The following PDE10A variants were observed in gnomAD, a reference collection of about 807,000 sequenced individuals.
The protein encoded by PDE10A is phosphodiesterase 10A, also known as cAMP and cAMP-inhibited cGMP 3',5'-cyclic phosphodiesterase 10A.
A neutral mutation model predicts 97.7 loss-of-function variants in PDE10A; 39 were observed. The observed-to-expected ratio is 0.40, with a 90% confidence interval of 0.31 to 0.52. The LOEUF is 0.52. Ranked by LOEUF, PDE10A falls within the 20% of genes least tolerant of loss-of-function variation. PDE10A has a pLI of 0.56. For missense variants in PDE10A, 731 were observed against 1,047.8 expected (o/e 0.70, Z 4.17); for synonymous variants, 371 against 376.8 (o/e 0.98, Z 0.18).
In PDE10A at chr6:165,704,288, G is replaced by A. The variant is rs911678727; in HGVS notation, c.-614-160720C>T. Among the ~76,000 whole-genome samples the A allele has an allele frequency of 2.6e-5, 4 of 152,092 alleles. No homozygotes were observed. The South Asian group carries it at 6.2e-4, about 24-fold the overall frequency. On this transcript the variant is annotated intron_variant, in intron 1 of 19. Coordinates refer to the PDE10A transcript ENST00000366882. ...CTCCTTCAAAGAGAGAGGAGCCTGGGGATCAGGAAGGAAACAAAGGAGGAG... is the reference window on the plus strand; with the variant it reads ...CTCCTTCAAAGAGAGAGGAGCCTGGAGATCAGGAAGGAAACAAAGGAGGAG...
In PDE10A at chr6:165,334,352, C is replaced by T. The variant is rs551901938; in HGVS notation, c.3066-1225G>A. Reference sequence around the variant, plus strand: ...GCGCCTCCATAGCGCCCTACAGCGCCGGGCACGCGCCTCCATAGCGCCCTA... The same window carrying T: ...GCGCCTCCATAGCGCCCTACAGCGCTGGGCACGCGCCTCCATAGCGCCCTA... On this transcript the variant is annotated intron_variant, in intron 21 of 21. Transcript: ENST00000539869. Among the ~76,000 whole-genome samples, 657 of 148,694 alleles carry T rather than the reference C, an allele frequency of 4.4e-3. 3 individuals are homozygous for T. The highest frequency in any genetic ancestry group is 0.011 in the Middle Eastern group (3 of 274).
At chr6:165,742,789 A>AC (rs1792758503) in intron 1 of PDE10A, among the ~76,000 whole-genome samples, 1 of 151,096 alleles carries the variant, frequency 6.6e-6, no homozygotes, top group African/African-American at 2.4e-5. Context: ...GTGCTCTTCC[A>AC]CCCCCTACGT....
intron 1 of PDE10A, among the ~76,000 whole-genome samples, chr6:165,688,290 T>G (rs1791178411): frequency 6.6e-6 from 1 of 152,180 alleles, no homozygotes; most frequent in South Asian, 2.1e-4. Context: ...AAGAGATGAT[T>G]GGTTTACATG....
chr6:165,968,694 A>T (rs1313972947), intron 1 of PDE10A, among the ~76,000 whole-genome samples: 2 of 152,244 alleles, frequency 1.3e-5, no homozygotes, highest in Non-Finnish European at 2.9e-5. Context: ...TGTTTTGAAG[A>T]TGATTAACAG....
intron 1 of PDE10A, among the ~76,000 whole-genome samples, chr6:165,555,871 G>A (rs1583531675): frequency 6.6e-6 from 1 of 152,272 alleles, no homozygotes; most frequent in East Asian, 1.9e-4. Flanking sequence ...GGAATGTGAA[G>A]TCAAAGACAA....
At chr6:165,521,080 T>C (rs912935600) in intron 2 of PDE10A, among the ~76,000 whole-genome samples, 2 of 152,204 alleles carry the variant, frequency 1.3e-5, no homozygotes, top group Admixed American at 6.5e-5. Context: ...GTGTGTCAAA[T>C]TTTCACGATA....
At position 165,435,222 on chromosome 6, in the gene PDE10A, C is replaced by G; in HGVS notation, c.1335+15G>C. On this transcript the variant is annotated intron_variant, in intron 6 of 21. Transcript: ENST00000539869. ...TTAGGTCAAAAGTGTCACAAAGAAT[C>G]AAAAAGCCACTTACTCCAAGGATGT... is the stretch of plus-strand genomic sequence containing the variant. The G allele has an allele frequency of 6.2e-7, 1 of 1,602,430 alleles. No individual in the cohort carries two copies. Among genetic ancestry groups the G allele is most frequent in the Non-Finnish European group, 8.5e-7 (1 of 1,175,186 alleles).
At chr6:165,657,443 T>G (rs1246737748) in intron 1 of PDE10A, among the ~76,000 whole-genome samples, 1 of 152,272 alleles carries the variant, frequency 6.6e-6, no homozygotes, top group Admixed American at 6.5e-5. Context: ...ACATGAAAAT[T>G]ATTTTTTCTC....
Position 165,662,019 on chromosome 6 carries a change from A to G in PDE10A, c.793T>C (p.Ser265Pro). Residue 265 changes from serine (S) to proline (P), a missense_variant, in exon 1 of 22, where the codon TCC (serine) becomes CCC (proline). Transcript: ENST00000539869. ...LAAAAALLFGSDMEDGPSNNA... is the reference protein window; with the variant it reads ...LAAAAALLFGPDMEDGPSNNA... ...TTAGAAGGTCCATCTTCCATGTCGG[A>G]GCCGAAGAGCAGCGCGGCCGCGGCG... 6.7e-7 allele frequency: 1 copy of G among 1,503,336 alleles called. No homozygotes were observed. The highest frequency in any genetic ancestry group is 8.9e-7 in the Non-Finnish European group (1 of 1,117,374). The allele number at this position is 1,503,336 out of a possible 1,614,324, so 93.1% of individuals were successfully genotyped here. A position where few individuals can be genotyped will look rare whatever the true frequency, so the allele number is the denominator to read the frequency against.
At chr6:165,660,061 G>C (rs1232212034) in intron 1 of PDE10A, 4 of 152,244 alleles carry the variant, frequency 2.6e-5, no homozygotes, top group Non-Finnish European at 4.4e-5. Flanking sequence ...CCAAATCAAA[G>C]GTCAACTGAG....
At chr6:165,413,401 A>C (rs1274557453) in intron 13 of PDE10A, 100 bp downstream of exon 13, 1 of 680,152 alleles carries the variant, frequency 1.5e-6, no homozygotes, top group Middle Eastern at 4.4e-4. Context: ...TTTGTAAAGG[A>C]AATATAAATG....
In PDE10A at chr6:165,914,660, C is replaced by T. The variant is rs962708982; in HGVS notation, c.-615+72869G>A. ...ATGAGATACGTGAACCATCCTCGGG[C>T]AGTTCTTCCTTTCCCAAACCAAGTG... On this transcript the variant is annotated intron_variant, in intron 1 of 19. Transcript: ENST00000366882. Among the ~76,000 whole-genome samples the T allele has an allele frequency of 5.1e-4, 77 of 152,300 alleles. No individual in the cohort carries two copies. In the Middle Eastern group the frequency reaches 0.01, roughly 20 times the overall value.
chr6:165,847,632 G>C (rs538363565), intron 1 of PDE10A, among the ~76,000 whole-genome samples: 1 of 152,372 alleles, frequency 6.6e-6, no homozygotes, highest in African/African-American at 2.4e-5. Context: ...CAAACGCACA[G>C]GCCTGCCTCT....
At chr6:165,368,508 CT>C (rs1278527189) in intron 18 of PDE10A, among the ~76,000 whole-genome samples, 1 of 152,036 alleles carries the variant, frequency 6.6e-6, no homozygotes, top group African/African-American at 2.4e-5. Flanking sequence ...AAAATGCATA[CT>C]GTAAACTCAG....
intron 1 of PDE10A, among the ~76,000 whole-genome samples, chr6:165,844,921 G>T (rs117095130): frequency 6.6e-6 from 1 of 152,142 alleles, no homozygotes; most frequent in Non-Finnish European, 1.5e-5. Flanking sequence ...CACAAAAGGC[G>T]ATTCTTATTA....
intron 1 of PDE10A, among the ~76,000 whole-genome samples, chr6:165,684,267 T>C (rs1424335907): frequency 6.6e-6 from 1 of 152,220 alleles, no homozygotes; most frequent in Non-Finnish European, 1.5e-5. Flanking sequence ...CTCACTGCTA[T>C]ACCCCAGAAC....
At chr6:165,949,854 A>G (rs1221440007) in intron 1 of PDE10A, 1 of 152,238 alleles carries the variant, frequency 6.6e-6, no homozygotes, top group African/African-American at 2.4e-5. Flanking sequence ...ATCTGTAGTT[A>G]TCGCATGAGT....
intron 5 of PDE10A, among the ~76,000 whole-genome samples, chr6:165,441,150 T>C (rs1389993155): frequency 2.0e-5 from 3 of 152,188 alleles, no homozygotes; most frequent in African/African-American, 7.2e-5. Flanking sequence ...CATCCTTTAC[T>C]TTCCCCTCTC....
chr6:165,366,072 G>T (rs1446332680), intron 18 of PDE10A, among the ~76,000 whole-genome samples: 1 of 152,058 alleles, frequency 6.6e-6, no homozygotes, highest in Non-Finnish European at 1.5e-5. Flanking sequence ...GTAACACTAA[G>T]AAATTAGAGA....
Sources: gnomAD v4.1 joint callset for allele counts (sites outside exome capture counted in the v4.1 genomes callset) on GRCh38, gnomAD v4.1.1 for gene constraint, MANE v1.5 for transcripts, NCBI Gene and HGNC (gene_info 2026-07-23, HGNC 2026-07-21) for gene names.